The following WDPCP variants were observed in gnomAD, a reference collection of about 807,000 sequenced individuals.
WDPCP encodes WD repeat-containing and planar cell polarity effector protein fritz homolog.
In WDPCP, 71 loss-of-function variants were observed where a neutral mutation model predicts 93.1. The observed-to-expected ratio is 0.76, with a 90% CI of 0.63 to 0.93. The LOEUF is 0.93. WDPCP is among the 40% of genes least tolerant of loss of function. WDPCP has a pLI of 0.00. For missense variants in WDPCP, 844 were observed against 887.4 expected, an observed-to-expected ratio of 0.95 and a Z score of 0.62; for synonymous variants, 315 against 315.0, an observed-to-expected ratio of 1.00 and a Z score of 0.00.
At chr2:63,826,109 T>G (rs932458327) in intron 1 of WDPCP, among the ~76,000 whole-genome samples, 8 of 152,168 alleles carry the variant, frequency 5.3e-5, no homozygotes, top group Non-Finnish European at 1.0e-4. Flanking sequence ...AAAGTTCAGA[T>G]GCATCAGTTT....
chr2:63,337,193 A>G lies in WDPCP; in HGVS notation c.1749-23882T>C, dbSNP rs1688444129. ...AGGCGTGAGCCACTGCGCACGGCCC[A>G]TGAGAGTCACTTTTTAAGATTCCAC... is the stretch of plus-strand genomic sequence containing the variant. On this transcript the variant is annotated intron_variant, in intron 12 of 17. Transcript: ENST00000272321. Among the ~76,000 whole-genome samples, 7 of 152,314 alleles carry G rather than the reference A, an allele frequency of 4.6e-5. No individual in the cohort carries two copies. In the South Asian group the frequency reaches 1.4e-3, roughly 32 times the overall value.
rs1403157274 is a variant in WDPCP at position 63,404,391 on chromosome 2, A to G, written c.1092T>C (p.Tyr364=). The change falls in exon 10 of 18, where the codon TAT becomes TAC. Residue 364 remains tyrosine (Y), a synonymous_variant. Coordinates refer to ENST00000272321, the MANE Select transcript of WDPCP (RefSeq NM_015910.7). ...LGCEDSSLIL[Y]ETHRRVTLLA... is the part of the protein sequence containing the mutation. ...AGAGAGTCACTCTACGGTGAGTTTC[A>G]TAAAGAATTAGCGAAGAATCTTCAC... The G allele has an allele frequency of 6.2e-7, 1 of 1,614,220 alleles. No homozygotes were observed. Among genetic ancestry groups the G allele is most frequent in the Non-Finnish European group, 8.5e-7 (1 of 1,180,018 alleles).
At chr2:63,317,289 T>A (rs768278523) in intron 12 of WDPCP, among the ~76,000 whole-genome samples, 1 of 151,546 alleles carries the variant, frequency 6.6e-6, no homozygotes, top group Non-Finnish European at 1.5e-5. Context: ...GCACCTGTAA[T>A]CCCAGCTACT....
the WDPCP span, among the ~76,000 whole-genome samples, chr2:63,839,768 T>A: frequency 6.6e-6 from 1 of 152,242 alleles, no homozygotes; most frequent in African/African-American, 2.4e-5. Flanking sequence ...ATCTTCAGTC[T>A]CCAAATGCTG....
chr2:63,572,846 T>C (rs1232881616), intron 1 of WDPCP, among the ~76,000 whole-genome samples: 1 of 152,016 alleles, frequency 6.6e-6, no homozygotes, highest in African/African-American at 2.4e-5. Flanking sequence ...CTAATTATTT[T>C]GGAGTGAAAA....
chr2:63,299,708 A>T (rs1486233297), intron 13 of WDPCP, among the ~76,000 whole-genome samples: 2 of 152,144 alleles, frequency 1.3e-5, no homozygotes, highest in Admixed American at 1.3e-4. Context: ...ATGTAGCACA[A>T]AGTTGTTGCT....
In WDPCP at chr2:63,287,471, T is replaced by C. The variant is rs545645123; in HGVS notation, c.1812+25777A>G. ...TCATCCTTGCTTGCCCAGGAACACT[T>C]TCCCATTCCTAGTATTCCTTTCCTC... On this transcript the variant is annotated intron_variant, in intron 13 of 17. Coordinates refer to ENST00000272321, the MANE Select transcript of WDPCP (RefSeq NM_015910.7). 7.9e-4 allele frequency among the ~76,000 whole-genome samples: 120 copies of C among 152,054 alleles called. 2 individuals carry two copies. In the South Asian group the frequency reaches 0.023, roughly 29 times the overall value.
chr2:63,183,472 T>G (rs1316987806), intron 14 of WDPCP, among the ~76,000 whole-genome samples: 2 of 152,154 alleles, frequency 1.3e-5, no homozygotes, highest in Admixed American at 6.5e-5. Flanking sequence ...ATAGTTTTAT[T>G]TTTCTGTGGT....
chr2:63,707,583 T>C lies in WDPCP; in HGVS notation n.309-56745A>G, dbSNP rs541516416. Among the ~76,000 whole-genome samples the C allele has an allele frequency of 5.3e-5, 8 of 152,328 alleles. No homozygotes were observed. The South Asian group carries it at 1.7e-3, about 32-fold the overall frequency. ...TGCCATTGGTTCGAACTTCCTCCTT[T>C]AGCTCAGAATAGTTTGATCTTCTGA... On this transcript the variant is annotated intron_variant and non_coding_transcript_variant, in intron 2 of 4. Coordinates refer to the WDPCP transcript ENST00000467687.
chr2:63,604,494 T>G (rs1039836759), intron 3 of WDPCP, among the ~76,000 whole-genome samples: 2 of 152,230 alleles, frequency 1.3e-5, no homozygotes, highest in Non-Finnish European at 2.9e-5. Flanking sequence ...AGGTTTCAAG[T>G]CCACAGTTGT....
chr2:63,593,589 TC>T, upstream of WDPCP: 1 of 471,590 alleles, frequency 2.1e-6, no homozygotes, highest in Non-Finnish European at 4.4e-6. Context: ...ACCAAACACT[TC>T]TGGGCTTAGT....
At chr2:63,838,717 C>A in the WDPCP span, among the ~76,000 whole-genome samples, 1 of 152,220 alleles carries the variant, frequency 6.6e-6, no homozygotes, top group African/African-American at 2.4e-5. Flanking sequence ...GATACACATA[C>A]TTGCCCAGAG....
intron 14 of WDPCP, among the ~76,000 whole-genome samples, chr2:63,237,450 A>G (rs1448201064): frequency 6.6e-6 from 1 of 152,210 alleles, no homozygotes; most frequent in Non-Finnish European, 1.5e-5. Flanking sequence ...GAGTTGAACT[A>G]CAATTACATC....
At chr2:63,485,360 C>T (rs959376068) in intron 4 of WDPCP, among the ~76,000 whole-genome samples, 1 of 129,734 alleles carries the variant, frequency 7.7e-6, no homozygotes, top group Non-Finnish European at 1.6e-5. Flanking sequence ...CCTACTCAGA[C>T]CTAAAAAAAA....
At chr2:63,466,318 A>G (rs1054900504) in intron 6 of WDPCP, among the ~76,000 whole-genome samples, 14 of 152,150 alleles carry the variant, frequency 9.2e-5, no homozygotes, top group African/African-American at 3.1e-4. Context: ...AAAACACTTT[A>G]TTAAAAAAAC....
At chr2:63,611,083 GC>G (rs748968412) in intron 3 of WDPCP, among the ~76,000 whole-genome samples, 19 of 152,206 alleles carry the variant, frequency 1.2e-4, no homozygotes, top group Non-Finnish European at 2.8e-4. Context: ...AGGTGACAGT[GC>G]AAGACCCTGT....
At chr2:63,760,533 A>G (rs1670041592) in intron 2 of WDPCP, among the ~76,000 whole-genome samples, 1 of 151,718 alleles carries the variant, frequency 6.6e-6, no homozygotes, top group Admixed American at 6.6e-5. Flanking sequence ...GGCTATTAAA[A>G]CTCGGTATAT....
At chr2:63,151,580 A>G (rs1671888100) in intron 17 of WDPCP, among the ~76,000 whole-genome samples, 1 of 152,228 alleles carries the variant, frequency 6.6e-6, no homozygotes, top group African/African-American at 2.4e-5. Context: ...GCTATTTAAA[A>G]TATATACAAT....
rs775985348 is a variant in WDPCP at position 63,174,813 on chromosome 2, G to A, written c.1935C>T (p.Asp645=). ...TSGVELLGPL[D]RGDMLNEAFI... ...ATGCTTCATTTAGCATATCCCCTCTGTCCAAGGGTCCCAGGAGTTCTGTTG... is the reference window on the plus strand; with the variant it reads ...ATGCTTCATTTAGCATATCCCCTCTATCCAAGGGTCCCAGGAGTTCTGTTG... Residue 645 remains aspartate (D), a synonymous_variant, in exon 15 of 18, where the codon GAC becomes GAT. Coordinates refer to ENST00000272321, the MANE Select transcript of WDPCP (RefSeq NM_015910.7). 6.2e-7 allele frequency: 1 copy of A among 1,613,826 alleles called. No homozygotes were observed. The highest frequency in any genetic ancestry group is 8.5e-7 in the Non-Finnish European group (1 of 1,179,834).
Sources: allele counts gnomAD v4.1 joint callset (sites outside exome capture counted in the v4.1 genomes callset), GRCh38; gene constraint gnomAD v4.1.1; transcripts MANE v1.5; gene names NCBI Gene and HGNC (gene_info 2026-07-23, HGNC 2026-07-21).